ITFG1: variants seen among roughly 807,000 people sequenced by gnomAD.
The protein encoded by ITFG1 is T-cell immunomodulatory protein.
In ITFG1, 34 loss-of-function variants were observed where a neutral mutation model predicts 81.8. The ratio of observed to expected loss-of-function variants is 0.42; its 90% CI spans 0.32 to 0.55. The LOEUF is 0.55. Among genes scored for constraint, ITFG1 ranks in the 20% least tolerant of loss-of-function variants. ITFG1 has a pLI of 0.17. For missense variants in ITFG1, 672 were observed against 755.4 expected, an observed-to-expected ratio of 0.89 and a Z score of 1.29; for synonymous variants, 285 against 270.6, an observed-to-expected ratio of 1.05 and a Z score of -0.52.
intron 10 of ITFG1, among the ~76,000 whole-genome samples, chr16:47,266,396 T>G (rs894522301): frequency 2.0e-5 from 3 of 152,164 alleles, no homozygotes; most frequent in African/African-American, 7.2e-5. Context: ...TTTTGTACTT[T>G]TAGTAGAGAT....
intron 6 of ITFG1, among the ~76,000 whole-genome samples, chr16:47,399,369 C>G (rs941713038): frequency 6.6e-6 from 1 of 152,060 alleles, no homozygotes; most frequent in Non-Finnish European, 1.5e-5. Context: ...GTCAGGAGAT[C>G]GAGACCATCC....
intron 6 of ITFG1, among the ~76,000 whole-genome samples, chr16:47,386,837 G>T (rs1235789419): frequency 6.6e-6 from 1 of 152,170 alleles, no homozygotes; most frequent in African/African-American, 2.4e-5. Flanking sequence ...CAGAGTGTGG[G>T]GAAGTTCAAG....
chr16:47,299,840 A>G (rs1393870903), intron 10 of ITFG1: 1 of 152,308 alleles, frequency 6.6e-6, no homozygotes, highest in East Asian at 1.9e-4. Flanking sequence ...TCCCAGCCCA[A>G]TTCCAGGATG....
At chr16:47,221,589 T>G (rs948451847) in intron 13 of ITFG1, among the ~76,000 whole-genome samples, 6 of 152,360 alleles carry the variant, frequency 3.9e-5, no homozygotes, top group African/African-American at 1.4e-4. Flanking sequence ...AGGATGATGC[T>G]GGCCTCATAA....
intron 5 of ITFG1, among the ~76,000 whole-genome samples, chr16:47,437,632 C>G (rs1323886131): frequency 6.6e-6 from 1 of 152,164 alleles, no homozygotes; most frequent in Non-Finnish European, 1.5e-5. Flanking sequence ...CAGGTACATT[C>G]TATTAGAAGC....
intron 14 of ITFG1, among the ~76,000 whole-genome samples, chr16:47,193,214 TA>T (rs201614014): frequency 4.0e-5 from 6 of 150,966 alleles, no homozygotes; most frequent in Non-Finnish European, 7.4e-5. Context: ...TTAATTTTAT[TA>T]AAAAAATTTT....
At chr16:47,171,537 T>C (rs1964962360) in intron 14 of ITFG1, among the ~76,000 whole-genome samples, 1 of 152,252 alleles carries the variant, frequency 6.6e-6, no homozygotes, top group Non-Finnish European at 1.5e-5. Flanking sequence ...CATTTATCTC[T>C]GCTGAAATCT....
At chr16:47,349,511 T>C (rs538102791) in intron 8 of ITFG1, among the ~76,000 whole-genome samples, 1 of 152,276 alleles carries the variant, frequency 6.6e-6, no homozygotes, top group African/African-American at 2.4e-5. Context: ...AAGAGCTAAC[T>C]ATCCTAAATA....
At chr16:47,429,754 C>T (rs1402523485) in intron 5 of ITFG1, among the ~76,000 whole-genome samples, 2 of 152,162 alleles carry the variant, frequency 1.3e-5, no homozygotes, top group Non-Finnish European at 2.9e-5. Flanking sequence ...ATTATTTTTC[C>T]ATTCTTAAAT....
chr16:47,412,230 A>C (rs1968820199), intron 6 of ITFG1, among the ~76,000 whole-genome samples: 2 of 152,202 alleles, frequency 1.3e-5, no homozygotes, highest in Admixed American at 6.5e-5. Context: ...AAACAACTGC[A>C]CTAGATCCCC....
At chr16:47,182,445 G>A (rs190969731) in intron 14 of ITFG1, among the ~76,000 whole-genome samples, 42 of 150,940 alleles carry the variant, frequency 2.8e-4, no homozygotes, top group Admixed American at 1.9e-3. Flanking sequence ...AATGCCAAAA[G>A]TATGTACTTT....
chr16:47,347,113 G>A (rs569058273), intron 8 of ITFG1, among the ~76,000 whole-genome samples: 34 of 152,370 alleles, frequency 2.2e-4, no homozygotes, highest in Non-Finnish European at 3.8e-4. Flanking sequence ...AGCTCCCAGC[G>A]TGAGCAACAC....
intron 14 of ITFG1, among the ~76,000 whole-genome samples, chr16:47,183,418 C>T (rs1256481430): frequency 3.9e-5 from 6 of 152,180 alleles, no homozygotes; most frequent in Non-Finnish European, 7.3e-5. Context: ...TCTCCCAGCA[C>T]GCAGCTGGAG....
intron 12 of ITFG1, among the ~76,000 whole-genome samples, chr16:47,254,444 A>G (rs1404575331): frequency 6.6e-6 from 1 of 151,808 alleles, no homozygotes. Flanking sequence ...TGTTACAAAA[A>G]CCCTATGCTC....
chr16:47,347,205 G>C (rs1365149368), intron 8 of ITFG1, among the ~76,000 whole-genome samples: 1 of 152,236 alleles, frequency 6.6e-6, no homozygotes, highest in Admixed American at 6.5e-5. Flanking sequence ...GTGCAAGACA[G>C]TGGGTGCAGC....
intron 6 of ITFG1, among the ~76,000 whole-genome samples, chr16:47,424,183 T>C (rs572741307): frequency 6.6e-6 from 1 of 152,248 alleles, no homozygotes; most frequent in East Asian, 1.9e-4. Flanking sequence ...TAATTTGATC[T>C]TCAATCACTG....
intron 6 of ITFG1, among the ~76,000 whole-genome samples, chr16:47,388,244 T>C (rs2151594802): frequency 6.6e-6 from 1 of 152,256 alleles, no homozygotes; most frequent in Non-Finnish European, 1.5e-5. Context: ...GGAAGTTCTC[T>C]AGTAGAAGTG....
chr16:47,261,797 C>T (rs1008847278), intron 10 of ITFG1, among the ~76,000 whole-genome samples: 14 of 152,192 alleles, frequency 9.2e-5, no homozygotes, highest in Admixed American at 6.5e-4. Flanking sequence ...TCTTAGCCTC[C>T]GGAGTAGCTG....
intron 6 of ITFG1, among the ~76,000 whole-genome samples, chr16:47,394,544 C>T (rs956054663): frequency 1.3e-5 from 2 of 151,930 alleles, no homozygotes; most frequent in Non-Finnish European, 2.9e-5. Context: ...AGTACTGTGT[C>T]ATGTGGACTA....
Sources: allele counts gnomAD v4.1 joint callset (sites outside exome capture counted in the v4.1 genomes callset), GRCh38; gene constraint gnomAD v4.1.1; transcripts MANE v1.5; gene names NCBI Gene and HGNC (gene_info 2026-07-23, HGNC 2026-07-21).